Variants in POLN observed in about 807,000 individuals in gnomAD.
The protein encoded by POLN is DNA polymerase nu.
Under a neutral mutation model 113.5 loss-of-function variants are expected in POLN, and 108 were observed. The observed-to-expected ratio is 0.95, with a 90% CI of 0.81 to 1.12. POLN has a LOEUF of 1.12. Ranked by LOEUF, POLN falls within the 50% of genes most tolerant of loss-of-function variation. The pLI is 0.00. For missense variants in POLN, 1,097 were observed against 1,077.1 expected (o/e 1.02, Z -0.26); for synonymous variants, 386 against 391.5 (o/e 0.99, Z 0.17).
At chr4:2,232,267 C>T in intron 2 of POLN, 1 of 524,400 alleles carries the variant, frequency 1.9e-6, no homozygotes, top group South Asian at 3.5e-5. Flanking sequence ...TTAATAACTT[C>T]CCGCAATTTT....
intron 16 of POLN, among the ~76,000 whole-genome samples, chr4:2,144,891 C>G (rs1380838224): frequency 1.3e-5 from 2 of 152,120 alleles, no homozygotes; most frequent in African/African-American, 2.4e-5. Context: ...GTAGTCGACA[C>G]TCTGGGAATA....
chr4:2,084,741 C>T (rs1233002398), intron 21 of POLN, among the ~76,000 whole-genome samples: 2 of 152,078 alleles, frequency 1.3e-5, no homozygotes, highest in South Asian at 4.1e-4. Context: ...GGAAACAGGC[C>T]GCAGCATCTA....
At chr4:2,239,711 T>C (rs938955653) in intron 2 of POLN, among the ~76,000 whole-genome samples, 8 of 152,224 alleles carry the variant, frequency 5.3e-5, no homozygotes, top group African/African-American at 1.7e-4. Flanking sequence ...AAGCAATTAG[T>C]TTCTAGCCAC....
intron 15 of POLN, among the ~76,000 whole-genome samples, 172 bp downstream of exon 15, chr4:2,157,686 G>A (rs1221011106): frequency 7.7e-6 from 1 of 130,080 alleles, no homozygotes; most frequent in Non-Finnish European, 1.5e-5. Context: ...TCCTGACACT[G>A]CACTCCAGCC....
At position 2,229,257 on chromosome 4, in the gene POLN, T is replaced by C. The variant is rs1328900998; in HGVS notation, c.-12-14A>G. 2 of 1,560,024 alleles carry C rather than the reference T, an allele frequency of 1.3e-6. No homozygotes were observed. The highest frequency in any genetic ancestry group is 1.2e-5 in the South Asian group (1 of 85,152). On this transcript the variant is annotated splice_polypyrimidine_tract_variant and intron_variant, in intron 2 of 25. Transcript: ENST00000511885. ...TTTCACAAAATCCTAAATGTAAGAT[T>C]AACATAAGATAAATCCCATATATTA...
At position 2,179,459 on chromosome 4, in the gene POLN, T is replaced by C. The variant is rs1279490149; in HGVS notation, c.1028A>G (p.Asp343Gly). Residue 343 changes from aspartate (D) to glycine (G), a missense_variant, in exon 8 of 26, where the codon GAT (aspartate) becomes GGT (glycine). Transcript: ENST00000511885. ...GNDGSWKHVA[D>G]FIGLDPRIAA... ...AATTCTGGGATCTAGCCCTATAAAA[T>C]CAGCAACTGAAGAGAAAAAGGTCAT... is the stretch of plus-strand genomic sequence containing the variant. 1.2e-6 allele frequency: 2 copies of C among 1,612,784 alleles called. No homozygotes were observed. The highest frequency in any genetic ancestry group is 2.7e-5 in the African/African-American group (2 of 74,882).
chr4:2,226,536 A>G (rs1414323286), intron 3 of POLN, among the ~76,000 whole-genome samples: 1 of 152,214 alleles, frequency 6.6e-6, no homozygotes, highest in African/African-American at 2.4e-5. Flanking sequence ...GTTCTCTTAC[A>G]TTAATGTGTT....
chr4:2,216,896 T>C (rs1256471303), intron 3 of POLN, among the ~76,000 whole-genome samples: 1 of 152,206 alleles, frequency 6.6e-6, no homozygotes, highest in Non-Finnish European at 1.5e-5. Context: ...CCCCATGCTA[T>C]GGGCCATGCA....
intron 8 of POLN, 66 bp from the exon 9 acceptor site, chr4:2,176,400 T>C: frequency 8.1e-7 from 1 of 1,227,902 alleles, no homozygotes; most frequent in Non-Finnish European, 1.2e-6. Context: ...CCACAGTCTG[T>C]AACTGACATG....
chr4:2,238,919 T>C, intron 2 of POLN: 1 of 1,612,604 alleles, frequency 6.2e-7, no homozygotes, highest in Non-Finnish European at 8.5e-7. Flanking sequence ...ATTCAATAAC[T>C]GGGCATTCTC....
At chr4:2,120,416 AT>A (rs1731411559) in intron 19 of POLN, among the ~76,000 whole-genome samples, 1 of 152,008 alleles carries the variant, frequency 6.6e-6, no homozygotes, top group South Asian at 2.1e-4. Context: ...GATTCCTTTC[AT>A]CAGCATTTTA....
chr4:2,081,626 C>G lies in POLN; in HGVS notation c.2308+7G>C. ...ACACAGAACTACAGGTAAGAGGCTT[C>G]TGGTACCTTGCACCACGAAGTTCAC... On this transcript the variant is annotated splice_region_variant and intron_variant, in intron 22 of 25. Transcript: ENST00000511885. The G allele has an allele frequency of 6.2e-7, 1 of 1,614,024 alleles. No individual in the cohort carries two copies.
At chr4:2,213,188 C>T (rs975495904) in intron 3 of POLN, 62 bp from the exon 4 acceptor site, 2 of 1,014,668 alleles carry the variant, frequency 2.0e-6, no homozygotes, top group Admixed American at 4.5e-5. Flanking sequence ...CTAAGTCACA[C>T]AGTTAACTAA....
chr4:2,232,040 G>T, intron 2 of POLN: 1 of 1,522,848 alleles, frequency 6.6e-7, no homozygotes, highest in South Asian at 1.2e-5. Context: ...CTTTCCATTT[G>T]ATGTAATTTA....
At chr4:2,231,938 G>T in intron 2 of POLN, 1 of 1,331,570 alleles carries the variant, frequency 7.5e-7, no homozygotes, top group Non-Finnish European at 1.1e-6. Context: ...CAATCTTCAA[G>T]ACTAACAGCC....
At chr4:2,236,227 C>T (rs755823385) in intron 2 of POLN, 3 of 1,585,356 alleles carry the variant, frequency 1.9e-6, no homozygotes, top group African/African-American at 1.3e-5. Flanking sequence ...CAAATACCCA[C>T]CTGATCACTA....
chr4:2,121,927 T>C (rs111810664), intron 19 of POLN, among the ~76,000 whole-genome samples: 2,659 of 152,202 alleles, frequency 0.017, 91 homozygotes, highest in African/African-American at 0.06. Flanking sequence ...TAGAAACTTT[T>C]GACTTGAGAT....
intron 21 of POLN, among the ~76,000 whole-genome samples, chr4:2,083,207 C>A (rs1730470926): frequency 6.6e-6 from 1 of 152,174 alleles, no homozygotes; most frequent in South Asian, 2.1e-4. Context: ...ACAAGGCTCT[C>A]TCTCTCTAGC....
Position 2,072,216 on chromosome 4 carries a change from G to A in POLN, c.2601C>T (p.Gly867=), listed in dbSNP as rs370095822. 9.3e-6 allele frequency: 15 copies of A among 1,606,536 alleles called. No individual in the cohort carries two copies. The highest frequency in any genetic ancestry group is 1.7e-5 in the Admixed American group (1 of 59,326). ...PLQEAWGPPP[G]PCRTESPSNS... is the part of the protein sequence containing the mutation. ...TGCTGGGAGACTCAGTGCGACATGG[G>A]CCTGGCGGAGGGCCCCAGGCCTCCT... The change falls in exon 26 of 26, where the codon GGC becomes GGT. Residue 867 remains glycine (G), a synonymous_variant. Coordinates refer to ENST00000511885, the MANE Select transcript of POLN (RefSeq NM_181808.4).
Sources: allele counts gnomAD v4.1 joint callset (sites outside exome capture counted in the v4.1 genomes callset), GRCh38; gene constraint gnomAD v4.1.1; transcripts MANE v1.5; gene names NCBI Gene and HGNC (gene_info 2026-07-23, HGNC 2026-07-21).